Variants in MEI4 observed in about 807,000 individuals in gnomAD.
MEI4 encodes meiotic double-stranded break formation protein 4, also known as meiosis-specific protein MEI4.
MEI4 carries 27 observed loss-of-function variants against 31.4 expected under a neutral mutation model. The observed-to-expected ratio is 0.86, with a 90% confidence interval of 0.63 to 1.19. MEI4 has a LOEUF of 1.19. Ranked by LOEUF, MEI4 falls within the 50% of genes most tolerant of loss-of-function variation. The pLI is 0.00. For synonymous variants in MEI4, 122 were observed against 145.4 expected (o/e 0.84, Z 1.16); for missense variants, 329 against 398.9 (o/e 0.82, Z 1.49).
At chr6:77,790,949 C>A (rs1768907753) in intron 3 of MEI4, among the ~76,000 whole-genome samples, 2 of 152,118 alleles carry the variant, frequency 1.3e-5, no homozygotes, top group Non-Finnish European at 2.9e-5. Context: ...CATCACTGGC[C>A]ATCAGAGAAA....
Position 77,847,827 on chromosome 6 carries a change from A to AT in MEI4, c.900+18769dup, listed in dbSNP as rs1264098779. ...GAAAGAATGTGTTGATTGAATGAGG[A>AT]TTTTCACTTTAAATAAAATGTAGTA... is the stretch of plus-strand genomic sequence containing the variant. On this transcript the variant is annotated intron_variant, in intron 4 of 4. Transcript: ENST00000684080. This position sits in a 1 kb window ranked among gnomAD's most constrained non-coding sequence, Gnocchi z 4.6. Among the ~76,000 whole-genome samples the AT allele has an allele frequency of 3.3e-5, 5 of 152,114 alleles. No individual in the cohort carries two copies. Among genetic ancestry groups the AT allele is most frequent in the Non-Finnish European group, 7.4e-5 (5 of 68,012 alleles).
chr6:77,723,423 TG>T (rs1561958612), intron 2 of MEI4, among the ~76,000 whole-genome samples: 2 of 109,774 alleles, frequency 1.8e-5, no homozygotes, highest in Non-Finnish European at 3.9e-5. Context: ...GGCCTGAGGC[TG>T]GCCCCTTTGC....
intron 3 of MEI4, among the ~76,000 whole-genome samples, chr6:77,775,258 G>T (rs181294329): frequency 3.3e-5 from 5 of 152,040 alleles, no homozygotes; most frequent in Non-Finnish European, 5.9e-5. Context: ...TTCTTTAGTC[G>T]TCATTTCTGA....
intron 4 of MEI4, among the ~76,000 whole-genome samples, chr6:77,922,487 C>T (rs1447969961): frequency 1.3e-5 from 2 of 151,640 alleles, no homozygotes; most frequent in African/African-American, 4.8e-5. Context: ...TTTATGCTTG[C>T]TATTGTCTAG....
At chr6:77,798,052 A>G (rs1769129216) in intron 3 of MEI4, among the ~76,000 whole-genome samples, 1 of 152,156 alleles carries the variant, frequency 6.6e-6, no homozygotes, top group African/African-American at 2.4e-5. Context: ...AAATAAAACT[A>G]AACTAGAATA....
At chr6:77,748,877 G>T (rs1767689902) in intron 2 of MEI4, among the ~76,000 whole-genome samples, 1 of 152,054 alleles carries the variant, frequency 6.6e-6, no homozygotes, top group Non-Finnish European at 1.5e-5. Context: ...GAGAGCTCTG[G>T]CTAGCATCTG....
At chr6:77,886,453 T>G (rs1347265583) in intron 4 of MEI4, among the ~76,000 whole-genome samples, 1 of 151,402 alleles carries the variant, frequency 6.6e-6, no homozygotes, top group East Asian at 1.9e-4. Flanking sequence ...TTTTATGAGA[T>G]GGAGTCTCAC....
chr6:77,737,448 A>C (rs1204874442), intron 2 of MEI4, among the ~76,000 whole-genome samples: 1 of 152,008 alleles, frequency 6.6e-6, no homozygotes, highest in Non-Finnish European at 1.5e-5. Context: ...GGGATATAGC[A>C]ATAAATCAGG....
At position 77,786,099 on chromosome 6, in the gene MEI4, A is replaced by T. The variant is rs1331867450; in HGVS notation, c.768+24434A>T. Among the ~76,000 whole-genome samples the T allele has an allele frequency of 2.6e-5, 4 of 152,160 alleles. No individual in the cohort carries two copies. In the East Asian group the frequency reaches 7.7e-4, roughly 29 times the overall value. On this transcript the variant is annotated intron_variant, in intron 3 of 4. Coordinates refer to ENST00000684080, the MANE Select transcript of MEI4 (RefSeq NM_001322247.2). Reference sequence around the variant, plus strand: ...CTGTTTAAAAAAATTAAAATAAAAAAATTATGGAATGGGAATTATTTGATT... The same window carrying T: ...CTGTTTAAAAAAATTAAAATAAAAATATTATGGAATGGGAATTATTTGATT...
upstream of MEI4, among the ~76,000 whole-genome samples, chr6:77,650,337 G>A (rs371218417): frequency 1.3e-5 from 2 of 152,218 alleles, no homozygotes; most frequent in Non-Finnish European, 2.9e-5. Flanking sequence ...CCCGCCAAGA[G>A]GGGCAGAAGG....
chr6:77,685,025 C>A (rs1288719188), intron 1 of MEI4, among the ~76,000 whole-genome samples: 1 of 152,128 alleles, frequency 6.6e-6, no homozygotes, highest in Non-Finnish European at 1.5e-5. Flanking sequence ...TATTGCCTGT[C>A]TTTTGGATAT....
chr6:77,856,853 C>A (rs1770758762), intron 4 of MEI4, among the ~76,000 whole-genome samples: 1 of 150,834 alleles, frequency 6.6e-6, no homozygotes, highest in Non-Finnish European at 1.5e-5. Flanking sequence ...GCAAGGCACA[C>A]CTCTTTACAT....
At chr6:77,896,784 G>T (rs1766092397) in intron 4 of MEI4, among the ~76,000 whole-genome samples, 1 of 151,992 alleles carries the variant, frequency 6.6e-6, no homozygotes, top group African/African-American at 2.4e-5. Flanking sequence ...ACGTAGGTAA[G>T]GTTCTTTACA....
At chr6:77,653,960 T>C (rs977314417) in intron 1 of MEI4, among the ~76,000 whole-genome samples, 2 of 152,182 alleles carry the variant, frequency 1.3e-5, no homozygotes, top group African/African-American at 4.8e-5. Context: ...TGGCAAACTG[T>C]TTCTGAACAG....
At chr6:77,764,485 T>A (rs1306704703) in intron 3 of MEI4, among the ~76,000 whole-genome samples, 1 of 152,230 alleles carries the variant, frequency 6.6e-6, no homozygotes, top group African/African-American at 2.4e-5. Flanking sequence ...TTTCTGCTAA[T>A]TTTTGGCTTA....
At chr6:77,803,553 T>G (rs536326182) in intron 3 of MEI4, among the ~76,000 whole-genome samples, 2 of 152,210 alleles carry the variant, frequency 1.3e-5, no homozygotes, top group Non-Finnish European at 2.9e-5. Flanking sequence ...GCACTCTGAT[T>G]TTTGGAGTTT....
At chr6:77,913,742 A>G (rs1347860775) in intron 4 of MEI4, among the ~76,000 whole-genome samples, 2 of 149,666 alleles carry the variant, frequency 1.3e-5, no homozygotes, top group East Asian at 3.9e-4. Flanking sequence ...TTTTAGAAAA[A>G]CTTTTGTTGA....
At chr6:77,713,438 A>T (rs1172563805) in intron 2 of MEI4, among the ~76,000 whole-genome samples, 1 of 152,180 alleles carries the variant, frequency 6.6e-6, no homozygotes, top group African/African-American at 2.4e-5. Flanking sequence ...AAACAACTGA[A>T]TCTAGCTGTT....
intron 1 of MEI4, among the ~76,000 whole-genome samples, chr6:77,664,873 G>A (rs1442252818): frequency 1.3e-5 from 2 of 152,084 alleles, no homozygotes; most frequent in South Asian, 2.1e-4. Flanking sequence ...AACTACTGTC[G>A]AGTTTGTATT....
Sources: gnomAD v4.1 joint callset for allele counts (sites outside exome capture counted in the v4.1 genomes callset) on GRCh38, gnomAD v4.1.1 for gene constraint, Gnocchi (gnomAD v3.1) non-coding constraint, MANE v1.5 for transcripts, NCBI Gene and HGNC (gene_info 2026-07-23, HGNC 2026-07-21) for gene names.